Variants in LRRC75A observed in about 807,000 individuals in gnomAD.
The protein encoded by LRRC75A is leucine-rich repeat-containing protein 75A.
Under a neutral mutation model 26.0 loss-of-function variants are expected in LRRC75A, and 12 were observed. That is an observed-to-expected ratio of 0.46 (90% CI 0.30 to 0.75). The LOEUF (loss-of-function observed/expected upper bound fraction) is 0.75. Ranked by LOEUF, LRRC75A falls within the 30% of genes least tolerant of loss-of-function variation. The pLI is 0.08. For synonymous variants in LRRC75A, 223 were observed against 219.3 expected, an observed-to-expected ratio of 1.02 and a Z score of -0.15; for missense variants, 410 against 486.6, an observed-to-expected ratio of 0.84 and a Z score of 1.48.
intron 1 of LRRC75A, among the ~76,000 whole-genome samples, chr17:16,482,399 G>T (rs1157251915): frequency 6.6e-6 from 1 of 152,138 alleles, no homozygotes; most frequent in East Asian, 1.9e-4. Context: ...AGATAGCTGG[G>T]GGCTCTTCCC....
In LRRC75A at chr17:16,483,260, T is replaced by C. The variant is rs540557142; in HGVS notation, c.246+8485A>G. 5.9e-5 allele frequency among the ~76,000 whole-genome samples: 9 copies of C among 152,322 alleles called. No individual in the cohort carries two copies. In the South Asian group the frequency reaches 1.2e-3, roughly 21 times the overall value. ...CTCTGTGAGGGCTGGGCTTTGCTCA[T>C]GTGTGAAAGTCTGCAGGTTCCCTGG... On this transcript the variant is annotated intron_variant, in intron 1 of 3. Coordinates refer to ENST00000470794, the MANE Select transcript of LRRC75A (RefSeq NM_001113567.3).
chr17:16,442,398 A>T lies in LRRC75A; in HGVS notation c.*1190T>A, dbSNP rs1349600529. ...CCCATACTGTTTGCCCACAAGGTTC[A>T]AGAGTGATTGGCTCCCAGTCTTCCT... is the stretch of plus-strand genomic sequence containing the variant. On this transcript the variant is annotated 3_prime_UTR_variant, in exon 4 of 4. Coordinates refer to ENST00000470794, the MANE Select transcript of LRRC75A (RefSeq NM_001113567.3). The T allele has an allele frequency of 6.6e-6, 1 of 152,316 alleles. No homozygotes were observed. Among genetic ancestry groups the T allele is most frequent in the Non-Finnish European group, 1.5e-5 (1 of 68,090 alleles). 9.4% of individuals were successfully genotyped at this position (152,316 alleles called of 1,614,324 possible).
intron 1 of LRRC75A, among the ~76,000 whole-genome samples, chr17:16,465,068 G>A (rs547834226): frequency 1.3e-5 from 2 of 152,340 alleles, no homozygotes; most frequent in South Asian, 2.1e-4. Flanking sequence ...TGCACTGGTG[G>A]CCACGGGGAG....
rs770241988 is a variant in LRRC75A, at chr17:16,443,548, A to C, written c.*40T>G. On this transcript the variant is annotated 3_prime_UTR_variant, in exon 4 of 4. Transcript: ENST00000470794. Reference sequence around the variant, plus strand: ...CTCCCCTGCCTGCCTTGCCCATTCTACCCAACAAGGACTCCCTGGTGAGGC... The same window carrying C: ...CTCCCCTGCCTGCCTTGCCCATTCTCCCCAACAAGGACTCCCTGGTGAGGC... The C allele has an allele frequency of 3.4e-6, 5 of 1,461,424 alleles. No homozygotes were observed. The South Asian group carries it at 6.9e-5, about 20-fold the overall frequency. 90.5% of individuals were successfully genotyped at this position (1,461,424 alleles called of 1,614,324 possible).
At chr17:16,479,947 C>T (rs912012237) in intron 1 of LRRC75A, among the ~76,000 whole-genome samples, 5 of 152,338 alleles carry the variant, frequency 3.3e-5, no homozygotes, top group East Asian at 1.9e-4. Flanking sequence ...CACAGCAGGA[C>T]GTGAACAGTG....
At chr17:16,449,943 GT>G (rs1206140397) in intron 2 of LRRC75A, among the ~76,000 whole-genome samples, 1 of 152,206 alleles carries the variant, frequency 6.6e-6, no homozygotes, top group Non-Finnish European at 1.5e-5. Flanking sequence ...GAGCAGATGG[GT>G]TAGTGATTTC....
chr17:16,487,429 C>A (rs1212142637), intron 1 of LRRC75A, among the ~76,000 whole-genome samples: 1 of 152,202 alleles, frequency 6.6e-6, no homozygotes. Context: ...CTGTCCATTG[C>A]TCAGCTCCAC....
At position 16,491,682 on chromosome 17, in the gene LRRC75A, C is replaced by A. The variant is rs917574681; in HGVS notation, c.246+63G>T. 2 of 1,080,888 alleles carry A rather than the reference C, an allele frequency of 1.9e-6. No individual in the cohort carries two copies. The highest frequency in any genetic ancestry group is 1.8e-5 in the African/African-American group (1 of 55,010). 67.0% of individuals were successfully genotyped at this position (1,080,888 alleles called of 1,614,324 possible). ...GGCTTCCTCGGTTAGGGATGGGGCG[C>A]CCCCCCCGGCCCAGCACGCCCCCTG... On this transcript the variant is annotated intron_variant, in intron 1 of 3. Coordinates refer to ENST00000470794, the MANE Select transcript of LRRC75A (RefSeq NM_001113567.3). The surrounding 1 kb of genome is among the most constrained non-coding windows in gnomAD (Gnocchi z 5.9).
In LRRC75A at chr17:16,491,995, C is replaced by T; in HGVS notation, c.-5G>A. On this transcript the variant is annotated 5_prime_UTR_variant, in exon 1 of 4. Coordinates refer to ENST00000470794, the MANE Select transcript of LRRC75A (RefSeq NM_001113567.3). This position sits in a 1 kb window ranked among gnomAD's most constrained non-coding sequence, Gnocchi z 5.9. ...CTTGGTCTGCCGGGTGCCCATGCCG[C>T]CGCCGCCCGCCGGGACTCTCCGCTC... 2 of 1,167,630 alleles carry T rather than the reference C, an allele frequency of 1.7e-6. No homozygotes were observed. The highest frequency in any genetic ancestry group is 2.1e-6 in the Non-Finnish European group (2 of 949,732). The allele number at this position is 1,167,630 out of a possible 1,614,324, so 72.3% of individuals were successfully genotyped here. A position where few individuals can be genotyped will look rare whatever the true frequency, so the allele number is the denominator to read the frequency against.
chr17:16,477,767 C>T (rs1341176117), intron 1 of LRRC75A, among the ~76,000 whole-genome samples: 1 of 152,096 alleles, frequency 6.6e-6, no homozygotes, highest in Non-Finnish European at 1.5e-5. Flanking sequence ...CTTCTCAGGG[C>T]CTGATTCTCC....
chr17:16,468,097 T>C (rs553045599), intron 1 of LRRC75A, among the ~76,000 whole-genome samples: 2 of 152,214 alleles, frequency 1.3e-5, no homozygotes, highest in East Asian at 1.9e-4. Flanking sequence ...ACTGGAAACT[T>C]TGTGCGCTGC....
rs1312020138 is a variant in LRRC75A, at chr17:16,442,195, T to A, written c.*1393A>T. ...CTCAAAGCATTTAAGGCCTCCTCAA[T>A]TTCGGCCCCTGCTGCTCTGTGCTCT... is the stretch of plus-strand genomic sequence containing the variant. On this transcript the variant is annotated 3_prime_UTR_variant, in exon 4 of 4. Coordinates refer to ENST00000470794, the MANE Select transcript of LRRC75A (RefSeq NM_001113567.3). The A allele has an allele frequency of 6.6e-6, 1 of 152,312 alleles. No homozygotes were observed. The highest frequency in any genetic ancestry group is 2.4e-5 in the African/African-American group (1 of 41,458). The allele number at this position is 152,312 out of a possible 1,614,324, so 9.4% of individuals were successfully genotyped here. A position where few individuals can be genotyped will look rare whatever the true frequency, so the allele number is the denominator to read the frequency against.
chr17:16,491,389 G>A lies in LRRC75A; in HGVS notation c.246+356C>T, dbSNP rs2093856770. ...GGGAGTGACTGCCAGTGGGCAGACA[G>A]GAAGAAAAGAGCCCTGGCCCAGATC... On this transcript the variant is annotated intron_variant, in intron 1 of 3. Transcript: ENST00000470794. The surrounding 1 kb of genome is among the most constrained non-coding windows in gnomAD (Gnocchi z 5.9). Among the ~76,000 whole-genome samples, 1 of 152,228 alleles carries A rather than the reference G, an allele frequency of 6.6e-6. No homozygotes were observed. Among genetic ancestry groups the A allele is most frequent in the African/African-American group, 2.4e-5 (1 of 41,464 alleles).
rs1288585335 is a variant in LRRC75A at position 16,491,702 on chromosome 17, C to T, written c.246+43G>A. On this transcript the variant is annotated intron_variant, in intron 1 of 3. Coordinates refer to ENST00000470794, the MANE Select transcript of LRRC75A (RefSeq NM_001113567.3). This position sits in a 1 kb window ranked among gnomAD's most constrained non-coding sequence, Gnocchi z 5.9. ...GGGCGCCCCCCCCGGCCCAGCACGCCCCCTGGCCCGGCGCGCCCCCCGCGC... is the reference window on the plus strand; with the variant it reads ...GGGCGCCCCCCCCGGCCCAGCACGCTCCCTGGCCCGGCGCGCCCCCCGCGC... 1 of 1,279,894 alleles carries T rather than the reference C, an allele frequency of 7.8e-7. No individual in the cohort carries two copies. 79.3% of individuals were successfully genotyped at this position (1,279,894 alleles called of 1,614,324 possible).
At chr17:16,447,139 A>T (rs1473374185) in intron 3 of LRRC75A, 1 of 226,604 alleles carries the variant, frequency 4.4e-6, no homozygotes, top group African/African-American at 2.4e-5. Context: ...TTCTCCAGGA[A>T]GCCTTACTTC....
chr17:16,448,866 C>T (rs887897537), intron 2 of LRRC75A, among the ~76,000 whole-genome samples: 6 of 152,220 alleles, frequency 3.9e-5, no homozygotes, highest in Admixed American at 6.5e-5. Context: ...CTGTGCGAAA[C>T]GAACTGTCTG....
At position 16,468,187 on chromosome 17, in the gene LRRC75A, T is replaced by C. The variant is rs114730929; in HGVS notation, c.247-5801A>G. Among the ~76,000 whole-genome samples the C allele has an allele frequency of 3.5e-3, 538 of 152,350 alleles. 2 individuals are homozygous for C. The highest frequency in any genetic ancestry group is 0.012 in the African/African-American group (489 of 41,580). ...AAACAAATTAAACACAGAATTGCCATATGATCCAGCAATTCCACTCTTGGG... is the reference window on the plus strand; with the variant it reads ...AAACAAATTAAACACAGAATTGCCACATGATCCAGCAATTCCACTCTTGGG... On this transcript the variant is annotated intron_variant, in intron 1 of 3. Transcript: ENST00000470794.
intron 1 of LRRC75A, among the ~76,000 whole-genome samples, chr17:16,468,901 A>G (rs1304401136): frequency 6.6e-6 from 1 of 152,094 alleles, no homozygotes; most frequent in Non-Finnish European, 1.5e-5. Flanking sequence ...GCAAACATAG[A>G]CACCTTCTTG....
At chr17:16,458,672 T>C (rs2093704358) in intron 2 of LRRC75A, among the ~76,000 whole-genome samples, 1 of 151,746 alleles carries the variant, frequency 6.6e-6, no homozygotes, top group South Asian at 2.1e-4. Flanking sequence ...TCCATGTTGG[T>C]CAGGCTGGTC....
Sources: allele counts gnomAD v4.1 joint callset (sites outside exome capture counted in the v4.1 genomes callset), GRCh38; gene constraint gnomAD v4.1.1; non-coding constraint Gnocchi (gnomAD v3.1); transcripts MANE v1.5; gene names NCBI Gene and HGNC (gene_info 2026-07-23, HGNC 2026-07-21).